The following SMAP1 variants were observed in gnomAD, a reference collection of about 807,000 sequenced individuals.
The protein encoded by SMAP1 is small ArfGAP 1, also known as stromal membrane-associated protein 1.
A neutral mutation model predicts 58.5 loss-of-function variants in SMAP1; 24 were observed. The observed-to-expected ratio is 0.41, with a 90% CI of 0.30 to 0.58. SMAP1 has a LOEUF of 0.58. Among genes scored for constraint, SMAP1 ranks in the 20% least tolerant of loss-of-function variants. The pLI is 0.29. For synonymous variants in SMAP1, 216 were observed against 196.6 expected (o/e 1.10, Z -0.82); for missense variants, 563 against 566.3 (o/e 0.99, Z 0.06).
At chr6:70,759,362 G>C (rs1766652054) in intron 3 of SMAP1, among the ~76,000 whole-genome samples, 1 of 152,022 alleles carries the variant, frequency 6.6e-6, no homozygotes. Context: ...TCTGTGGCAG[G>C]GTGGGGAGGT....
At chr6:70,669,451 A>G (rs1766173469) in intron 1 of SMAP1, among the ~76,000 whole-genome samples, 1 of 152,220 alleles carries the variant, frequency 6.6e-6, no homozygotes, top group South Asian at 2.1e-4. Flanking sequence ...ATTTTTATGA[A>G]GCACTTTTCA....
intron 6 of SMAP1, among the ~76,000 whole-genome samples, chr6:70,818,501 G>A (rs1451287484): frequency 6.6e-6 from 1 of 152,174 alleles, no homozygotes; most frequent in Non-Finnish European, 1.5e-5. Flanking sequence ...AGGTTATAAC[G>A]GGGAATTCTT....
chr6:70,795,076 C>T (rs1027414755), intron 5 of SMAP1, among the ~76,000 whole-genome samples: 3 of 152,118 alleles, frequency 2.0e-5, no homozygotes, highest in African/African-American at 7.2e-5. Flanking sequence ...TGGGTTGTTT[C>T]CAAGTCTTTG....
chr6:70,732,798 GTTTGT>G (rs1160333527), intron 2 of SMAP1, among the ~76,000 whole-genome samples: 1 of 151,838 alleles, frequency 6.6e-6, no homozygotes, highest in African/African-American at 2.4e-5. Flanking sequence ...TAATTCCATA[GTTTGT>G]TTTATTTTTT....
intron 6 of SMAP1, among the ~76,000 whole-genome samples, chr6:70,819,152 A>G (rs1769774101): frequency 1.3e-5 from 2 of 152,058 alleles, no homozygotes; most frequent in South Asian, 2.1e-4. Flanking sequence ...TTCACTTAGC[A>G]TAGTCTTTTC....
chr6:70,785,148 C>G (rs899988405), intron 4 of SMAP1, among the ~76,000 whole-genome samples: 2 of 152,200 alleles, frequency 1.3e-5, no homozygotes, highest in Admixed American at 6.5e-5. Context: ...GATTAAGAAA[C>G]TCACTCGAAA....
chr6:70,861,699 T>G lies in SMAP1; in HGVS notation c.*1365T>G. 1 of 1,614,146 alleles carries G rather than the reference T, an allele frequency of 6.2e-7. No individual in the cohort carries two copies. Among genetic ancestry groups the G allele is most frequent in the Non-Finnish European group, 8.5e-7 (1 of 1,179,988 alleles). Reference sequence around the variant, plus strand: ...TTTTCACTGTGTCCAGGTGGTACTTTGGCTCGTTGGCTAGATTAACCTTCT... The same window carrying G: ...TTTTCACTGTGTCCAGGTGGTACTTGGGCTCGTTGGCTAGATTAACCTTCT... On this transcript the variant is annotated 3_prime_UTR_variant, in exon 11 of 11. Coordinates refer to ENST00000370455, the MANE Select transcript of SMAP1 (RefSeq NM_001044305.3).
intron 7 of SMAP1, 103 bp from the exon 8 acceptor site, chr6:70,852,436 GA>G: frequency 8.5e-7 from 1 of 1,171,424 alleles, no homozygotes. Context: ...ACCAACTTTT[GA>G]ACTGTTCTTT....
At chr6:70,769,420 A>G (rs1767166877) in intron 3 of SMAP1, among the ~76,000 whole-genome samples, 1 of 152,156 alleles carries the variant, frequency 6.6e-6, no homozygotes. Flanking sequence ...GACTTGCTTT[A>G]TGAATCTGGG....
intron 6 of SMAP1, among the ~76,000 whole-genome samples, chr6:70,821,942 A>G (rs571739673): frequency 1.1e-4 from 17 of 152,252 alleles, no homozygotes; most frequent in African/African-American, 3.8e-4. Flanking sequence ...ATGTTTTTGC[A>G]ATCATTTGAA....
intron 7 of SMAP1, among the ~76,000 whole-genome samples, chr6:70,841,506 C>T (rs745861248): frequency 7.9e-5 from 12 of 152,222 alleles, no homozygotes; most frequent in South Asian, 6.2e-4. Flanking sequence ...ATGTGTTTCT[C>T]TATTCACTGC....
intron 1 of SMAP1, among the ~76,000 whole-genome samples, chr6:70,673,800 C>G (rs919469957): frequency 6.6e-6 from 1 of 152,196 alleles, no homozygotes; most frequent in African/African-American, 2.4e-5. Flanking sequence ...GGTATCAGAG[C>G]TGAGATGGAA....
intron 6 of SMAP1, among the ~76,000 whole-genome samples, chr6:70,813,535 T>C (rs186097872): frequency 5.1e-4 from 77 of 152,288 alleles, no homozygotes; most frequent in African/African-American, 1.6e-3. Context: ...TTCATAATTA[T>C]TCAAAATTTT....
rs774320228 is a variant in SMAP1 at position 70,755,054 on chromosome 6, A to G, written c.327A>G (p.Pro109=). The change falls in exon 3 of 11, where the codon CCA becomes CCG. Residue 109 remains proline (P), a synonymous_variant. Coordinates refer to ENST00000370455, the MANE Select transcript of SMAP1 (RefSeq NM_001044305.3). ...ATCTTCCAGAGAACTTTCGAAGACC[A>G]CAGACAGATCAGTATCCTTTAAAAC... The part of the protein sequence containing the change: ...EANLPENFRR[P]QTDQAVEFFI... 3.7e-6 allele frequency: 6 copies of G among 1,608,652 alleles called. No individual in the cohort carries two copies. In the South Asian group the frequency reaches 5.5e-5, roughly 15 times the overall value.
At position 70,811,187 on chromosome 6, in the gene SMAP1, C is replaced by G. The variant is rs185835853; in HGVS notation, c.576+12450C>G. On this transcript the variant is annotated intron_variant, in intron 6 of 10. Transcript: ENST00000370455. Reference sequence around the variant, plus strand: ...ACTGTTTACTAGATGTCTAACTACTCTGTGCCTCAGTTTCTTCATATGTAA... The same window carrying G: ...ACTGTTTACTAGATGTCTAACTACTGTGTGCCTCAGTTTCTTCATATGTAA... Among the ~76,000 whole-genome samples the G allele has an allele frequency of 2.6e-3, 390 of 152,286 alleles. 1 individual carries two copies. The highest frequency in any genetic ancestry group is 2.5e-3 in the Non-Finnish European group (172 of 68,022).
intron 3 of SMAP1, among the ~76,000 whole-genome samples, chr6:70,763,251 C>G (rs955246337): frequency 1.3e-5 from 2 of 150,978 alleles, no homozygotes; most frequent in Admixed American, 6.6e-5. Flanking sequence ...ATATTTCAAA[C>G]TTTTTTATTA....
In SMAP1 at chr6:70,852,608, A is replaced by G; in HGVS notation, c.733A>G (p.Ile245Val). 1.2e-6 allele frequency: 2 copies of G among 1,610,566 alleles called. No homozygotes were observed. The highest frequency in any genetic ancestry group is 2.2e-5 in the South Asian group (2 of 90,124). Residue 245 changes from isoleucine (I) to valine (V), a missense_variant, in exon 8 of 11, where the codon ATC becomes GTC. Around this residue, in one of 3 missense-constraint regions of SMAP1, gnomAD observed 494 missense variants for 473.8 expected, o/e 1.04. Coordinates refer to ENST00000370455, the MANE Select transcript of SMAP1 (RefSeq NM_001044305.3). ...TVPPLNDDLD[I>V]FGPMISNPLP... Reference sequence around the variant, plus strand: ...GCCACCCCTGAACGATGATCTGGACATCTTTGGACCGATGATTTCTAATCC... The same window carrying G: ...GCCACCCCTGAACGATGATCTGGACGTCTTTGGACCGATGATTTCTAATCC...
intron 4 of SMAP1, among the ~76,000 whole-genome samples, chr6:70,780,089 C>T (rs530561037): frequency 6.6e-5 from 10 of 152,216 alleles, no homozygotes; most frequent in East Asian, 3.9e-4. Context: ...ACATATGGCC[C>T]GCTCATTATT....
chr6:70,684,183 T>G (rs1018835911), intron 1 of SMAP1, among the ~76,000 whole-genome samples: 1 of 152,266 alleles, frequency 6.6e-6, no homozygotes, highest in Non-Finnish European at 1.5e-5. Context: ...AAATTTGGGA[T>G]ATTTGTTGTC....
Sources: allele counts gnomAD v4.1 joint callset (sites outside exome capture counted in the v4.1 genomes callset), GRCh38; gene constraint gnomAD v4.1.1; regional missense constraint gnomAD v4.1.1; transcripts MANE v1.5; gene names NCBI Gene and HGNC (gene_info 2026-07-23, HGNC 2026-07-21).